The following PDE4A variants were observed in gnomAD, a reference collection of about 807,000 sequenced individuals.
PDE4A encodes 3',5'-cyclic-AMP phosphodiesterase 4A.
In PDE4A, 21 loss-of-function variants were observed where a neutral mutation model predicts 73.9. That is an observed-to-expected ratio of 0.28 (90% CI 0.20 to 0.41). The LOEUF (loss-of-function observed/expected upper bound fraction) is 0.41. Among genes scored for constraint, PDE4A ranks in the 10% least tolerant of loss-of-function variants. The probability of loss-of-function intolerance (pLI) is 1.00; values close to 1 mark genes in which losing one functional copy is unlikely to be tolerated. For synonymous variants in PDE4A, 463 were observed against 505.4 expected, an observed-to-expected ratio of 0.92 and a Z score of 1.13; for missense variants, 958 against 1,211.4, an observed-to-expected ratio of 0.79 and a Z score of 3.10.
Position 10,467,517 on chromosome 19 carries a change from C to G in PDE4A, c.2557C>G (p.Gln853Glu). 3.1e-6 allele frequency: 5 copies of G among 1,612,830 alleles called. No homozygotes were observed. Among genetic ancestry groups the G allele is most frequent in the Non-Finnish European group, 4.2e-6 (5 of 1,179,842 alleles). Residue 853 changes from glutamine to glutamate, a missense_variant, in exon 15 of 15, where the codon CAG becomes GAG. By Grantham distance (29) the Gln-to-Glu change is conservative (BLOSUM62 2). Transcript: ENST00000380702. ...AAEVEAQREH[Q>E]AAKRACSACA... is the part of the protein sequence containing the mutation. ...CGAGGTGGAGGCCCAACGAGAGCACCAGGCTGCCAAGAGGGCTTGCAGTGC... is the reference window on the plus strand; with the variant it reads ...CGAGGTGGAGGCCCAACGAGAGCACGAGGCTGCCAAGAGGGCTTGCAGTGC...
At chr19:10,434,068 AAAAT>A (rs1484566806) in intron 1 of PDE4A, among the ~76,000 whole-genome samples, 2 of 152,052 alleles carry the variant, frequency 1.3e-5, no homozygotes, top group Non-Finnish European at 2.9e-5. Flanking sequence ...TCATCTCTAC[AAAAT>A]AAATAAATTT....
chr19:10,464,760 C>G (rs141431815), intron 14 of PDE4A, among the ~76,000 whole-genome samples: 354 of 151,876 alleles, frequency 2.3e-3, no homozygotes, highest in Non-Finnish European at 3.5e-3. Flanking sequence ...TTGTGCCACC[C>G]AGGCTGGAGT....
intron 13 of PDE4A, among the ~76,000 whole-genome samples, chr19:10,463,147 G>A (rs945603696): frequency 1.3e-5 from 2 of 151,292 alleles, no homozygotes; most frequent in African/African-American, 2.4e-5. Flanking sequence ...CAGGCTAGAG[G>A]GCACGGATCT....
intron 7 of PDE4A, among the ~76,000 whole-genome samples, chr19:10,455,300 T>C (rs1243286586): frequency 6.6e-6 from 1 of 151,916 alleles, no homozygotes; most frequent in Non-Finnish European, 1.5e-5. Context: ...CCATCTCTAC[T>C]AAAAATACAA....
chr19:10,438,413 G>A (rs1172772400), intron 1 of PDE4A, among the ~76,000 whole-genome samples: 1 of 151,416 alleles, frequency 6.6e-6, no homozygotes, highest in African/African-American at 2.4e-5. Flanking sequence ...ACCTGGCCAG[G>A]ACTTTTTAAT....
intron 7 of PDE4A, among the ~76,000 whole-genome samples, chr19:10,456,236 T>A (rs558725558): frequency 1.6e-3 from 244 of 150,782 alleles, no homozygotes; most frequent in Middle Eastern, 3.5e-3. Flanking sequence ...ACAAAAAAAA[T>A]TAAAAACTAG....
intron 1 of PDE4A, chr19:10,427,380 G>A (rs1010162184): frequency 2.1e-6 from 1 of 487,148 alleles, no homozygotes; most frequent in Non-Finnish European, 2.7e-6. Flanking sequence ...CAGTGCAGAG[G>A]TCCTGTGGTG....
chr19:10,434,810 C>T (rs2042842441), intron 1 of PDE4A, among the ~76,000 whole-genome samples: 3 of 151,114 alleles, frequency 2.0e-5, no homozygotes, highest in Admixed American at 6.6e-5. Flanking sequence ...AGGCTGGTCT[C>T]GAACTGCTGA....
intron 7 of PDE4A, among the ~76,000 whole-genome samples, chr19:10,456,387 G>A (rs1321983584): frequency 3.9e-5 from 6 of 152,044 alleles, no homozygotes; most frequent in African/African-American, 7.2e-5. Flanking sequence ...TTAGCTGCGC[G>A]TGTTGGCACA....
upstream of PDE4A, chr19:10,417,102 TGA>T: frequency 6.8e-7 from 1 of 1,460,078 alleles, no homozygotes; most frequent in Non-Finnish European, 9.0e-7. Context: ...CTCCAAGCTG[TGA>T]GGAGTTTGGT....
At chr19:10,462,379 C>T (rs887219195) in intron 13 of PDE4A, among the ~76,000 whole-genome samples, 4 of 152,026 alleles carry the variant, frequency 2.6e-5, no homozygotes, top group African/African-American at 4.8e-5. Context: ...CTCGAACTCC[C>T]GACCTCAGGT....
In PDE4A at chr19:10,458,154, C is replaced by A. The variant is rs1330959130; in HGVS notation, c.1101+52C>A. 6.4e-7 allele frequency: 1 copy of A among 1,550,738 alleles called. No homozygotes were observed. The highest frequency in any genetic ancestry group is 1.1e-5 in the South Asian group (1 of 89,306). On this transcript the variant is annotated intron_variant, in intron 8 of 14. Transcript: ENST00000380702. The surrounding 1 kb of genome is among the most constrained non-coding windows in gnomAD (Gnocchi z 4.6). The stretch of plus-strand genomic sequence containing the variant: ...GCTGGAGGGGGTGGTCTCCTGGGAC[C>A]CTGAGAAGGACTGGGCATTGGGTTA...
At chr19:10,430,876 C>T (rs1178573020) in intron 1 of PDE4A, 2 of 1,461,476 alleles carry the variant, frequency 1.4e-6, no homozygotes, top group Non-Finnish European at 1.8e-6. Context: ...GGCCGCATCC[C>T]GGAGCTGCAA....
At chr19:10,450,015 G>T (rs1038327786) in intron 4 of PDE4A, among the ~76,000 whole-genome samples, 1 of 152,100 alleles carries the variant, frequency 6.6e-6, no homozygotes, top group Admixed American at 6.6e-5. Flanking sequence ...GGATAGTTTT[G>T]AGCCCAGGAG....
intron 1 of PDE4A, 79 bp from the exon 2 acceptor site, chr19:10,446,139 C>T: frequency 6.6e-7 from 1 of 1,506,180 alleles, no homozygotes; most frequent in Non-Finnish European, 8.9e-7. Flanking sequence ...TGAGCCACCG[C>T]ACCCGGCCTC....
At chr19:10,451,360 G>A (rs2145545772) in intron 6 of PDE4A, among the ~76,000 whole-genome samples, 1 of 152,184 alleles carries the variant, frequency 6.6e-6, no homozygotes, top group East Asian at 1.9e-4. Context: ...GGGGTGGGGT[G>A]TGTCTGTCTG....
In PDE4A at chr19:10,469,158, T is replaced by C. The variant is rs3745258; in HGVS notation, c.*1537T>C. 3,329 of 152,582 alleles carry C rather than the reference T, an allele frequency of 0.022. 323 individuals carry two copies. The East Asian group carries it at 0.31, about 14-fold the overall frequency. The allele number at this position is 152,582 out of a possible 1,614,324, so 9.5% of individuals were successfully genotyped here. A position where few individuals can be genotyped will look rare whatever the true frequency, so the allele number is the denominator to read the frequency against. On this transcript the variant is annotated 3_prime_UTR_variant, in exon 15 of 15. Transcript: ENST00000380702. ...GGAGTGGGCCTTTTCTTTCTTTTTG[T>C]TCATTCTTTACCTTTTTTTCTTTTC...
Position 10,461,015 on chromosome 19 carries a change from G to A in PDE4A, c.1377G>A (p.Thr459=). The change falls in exon 11 of 15, where the codon ACG becomes ACA. Residue 459 remains threonine (T), a synonymous_variant. Transcript: ENST00000380702. ...LATPALDAVF[T]DLEILAALFA... is the part of the protein sequence containing the mutation. ...GTCTCTGCTCCCAGGCAGTGTTCAC[G>A]GACCTGGAGATTCTCGCCGCCCTCT... 1 of 1,613,104 alleles carries A rather than the reference G, an allele frequency of 6.2e-7. No homozygotes were observed. The highest frequency in any genetic ancestry group is 2.2e-5 in the East Asian group (1 of 44,834).
At chr19:10,464,387 C>T (rs569356296) in intron 14 of PDE4A, 56 of 455,326 alleles carry the variant, frequency 1.2e-4, no homozygotes, top group South Asian at 8.2e-4. Context: ...TGAGCCACTG[C>T]GCCCAGCCTC....
Sources: gnomAD v4.1 joint callset for allele counts (sites outside exome capture counted in the v4.1 genomes callset) on GRCh38, gnomAD v4.1.1 for gene constraint, Gnocchi (gnomAD v3.1) non-coding constraint, MANE v1.5 for transcripts, NCBI Gene and HGNC (gene_info 2026-07-23, HGNC 2026-07-21) for gene names.